Variants in SEMA6A observed in about 807,000 individuals in gnomAD.
The protein encoded by SEMA6A is semaphorin-6A.
Under a neutral mutation model 96.8 loss-of-function variants are expected in SEMA6A, and 25 were observed. The ratio of observed to expected loss-of-function variants is 0.26; its 90% confidence interval spans 0.19 to 0.36. The LOEUF is 0.36. Ranked by LOEUF, SEMA6A falls within the 10% of genes least tolerant of loss-of-function variation. The pLI, the probability that SEMA6A is intolerant of heterozygous loss-of-function variation, is 1.00. For synonymous variants in SEMA6A, 612 were observed against 518.0 expected (o/e 1.18, Z -2.46); for missense variants, 1,363 against 1,323.1 (o/e 1.03, Z -0.47).
chr5:116,572,901 G>A (rs147214214), intron 1 of SEMA6A, among the ~76,000 whole-genome samples: 1 of 152,176 alleles, frequency 6.6e-6, no homozygotes, highest in Admixed American at 6.5e-5. Flanking sequence ...CTGGTCTAGT[G>A]ACCCCGCCGC....
intron 1 of SEMA6A, among the ~76,000 whole-genome samples, chr5:116,529,221 G>C (rs781450819): frequency 4.6e-5 from 7 of 152,142 alleles, no homozygotes; most frequent in Non-Finnish European, 8.8e-5. Flanking sequence ...AGAGAGTGTT[G>C]AATTACTAGA....
At chr5:116,558,236 A>T (rs934967544) in intron 1 of SEMA6A, among the ~76,000 whole-genome samples, 1 of 152,112 alleles carries the variant, frequency 6.6e-6, no homozygotes, top group African/African-American at 2.4e-5. Flanking sequence ...TTATTTAGAA[A>T]CCCCACAAAG....
chr5:116,447,535 G>C lies in SEMA6A; in HGVS notation c.2171C>G (p.Thr724Arg). 1.2e-6 allele frequency: 2 copies of C among 1,614,080 alleles called. No homozygotes were observed. ...SKDPKPEAILTPLMHNGKLAT... is the reference protein window; with the variant it reads ...SKDPKPEAILRPLMHNGKLAT... Reference sequence around the variant, plus strand: ...GAGCTTGCCGTTGTGCATGAGTGGCGTGAGGATGGCCTCCGGCTTTGGGTC... The same window carrying C: ...GAGCTTGCCGTTGTGCATGAGTGGCCTGAGGATGGCCTCCGGCTTTGGGTC... The change falls in exon 19 of 19, where the codon ACG (threonine) becomes AGG (arginine). Residue 724 changes from threonine to arginine, a missense_variant. Thr to Arg is a moderately conservative substitution (Grantham distance 71). Around this residue, in one of 2 missense-constraint regions of SEMA6A, gnomAD observed 883 missense variants for 763.6 expected, o/e 1.16. Transcript: ENST00000343348.
At chr5:116,470,291 A>G (rs770384864) in intron 17 of SEMA6A, among the ~76,000 whole-genome samples, 3 of 152,212 alleles carry the variant, frequency 2.0e-5, no homozygotes, top group Non-Finnish European at 2.9e-5. Context: ...GAGACTTTGC[A>G]ACCAAAATAA....
intron 1 of SEMA6A, among the ~76,000 whole-genome samples, chr5:116,506,179 A>G (rs1758136833): frequency 6.6e-6 from 1 of 152,216 alleles, no homozygotes; most frequent in East Asian, 1.9e-4. Flanking sequence ...TTTTGATTAT[A>G]TACCTATGTC....
chr5:116,473,118 GTTACTTAATGTT>G, intron 16 of SEMA6A, 25 bp from the exon 17 acceptor site: 1 of 1,585,000 alleles, frequency 6.3e-7, no homozygotes, highest in Non-Finnish European at 8.6e-7. Context: ...GGAGGAGAAG[GTTACTTAATGTT>G]TTACGCTCTG....
intron 1 of SEMA6A, among the ~76,000 whole-genome samples, chr5:116,522,655 C>T (rs796298381): frequency 3.3e-5 from 5 of 152,274 alleles, no homozygotes; most frequent in African/African-American, 1.2e-4. Context: ...CAGATGAGCT[C>T]AAAGCAAATA....
At chr5:116,498,777 T>C (rs1243278845) in intron 3 of SEMA6A, 2 of 152,220 alleles carry the variant, frequency 1.3e-5, no homozygotes, top group Non-Finnish European at 2.9e-5. Context: ...ATTATTGGAA[T>C]GGAATTGCCT....
At chr5:116,469,099 C>T (rs1488196402) in intron 17 of SEMA6A, 1 of 152,096 alleles carries the variant, frequency 6.6e-6, no homozygotes, top group Non-Finnish European at 1.5e-5. Context: ...CCAAGTGGCT[C>T]GTCCATGCTA....
chr5:116,549,989 T>G (rs942394248), intron 1 of SEMA6A: 1 of 152,162 alleles, frequency 6.6e-6, no homozygotes, highest in South Asian at 2.1e-4. Context: ...TAAATGATCA[T>G]GTTTGAGTCA....
At chr5:116,456,074 C>A (rs1166260120) in intron 18 of SEMA6A, among the ~76,000 whole-genome samples, 2 of 152,176 alleles carry the variant, frequency 1.3e-5, no homozygotes, top group African/African-American at 2.4e-5. Context: ...TAAGGCAACA[C>A]TTTGGTAGGG....
chr5:116,492,141 A>G (rs908605113), intron 6 of SEMA6A, among the ~76,000 whole-genome samples: 2 of 152,168 alleles, frequency 1.3e-5, no homozygotes, highest in African/African-American at 4.8e-5. Flanking sequence ...GAACTCTGAC[A>G]GACTCTGTGG....
At chr5:116,518,207 C>T (rs1382586199) in intron 1 of SEMA6A, among the ~76,000 whole-genome samples, 1 of 152,144 alleles carries the variant, frequency 6.6e-6, no homozygotes, top group African/African-American at 2.4e-5. Flanking sequence ...CTCTCCTATT[C>T]CTCTCTGAGG....
At chr5:116,537,172 G>A (rs1342927148) in intron 1 of SEMA6A, among the ~76,000 whole-genome samples, 1 of 152,138 alleles carries the variant, frequency 6.6e-6, no homozygotes, top group Admixed American at 6.5e-5. Flanking sequence ...CACCAACAGG[G>A]AAACTGCAGC....
At chr5:116,482,596 T>A in intron 10 of SEMA6A, 21 bp from the exon 11 acceptor site, 1 of 1,612,624 alleles carries the variant, frequency 6.2e-7, no homozygotes, top group Non-Finnish European at 8.5e-7. Flanking sequence ...ATATTTCACA[T>A]CAAGTGTTAC....
Position 116,478,732 on chromosome 5 carries a change from A to T in SEMA6A, c.1251-14T>A. Reference sequence around the variant, plus strand: ...GTAAGGCGGTATCTAAAATGACAGGACCACATTTCTTATCTCTTTGTTGGT... The same window carrying T: ...GTAAGGCGGTATCTAAAATGACAGGTCCACATTTCTTATCTCTTTGTTGGT... On this transcript the variant is annotated splice_polypyrimidine_tract_variant and intron_variant, in intron 12 of 18. Transcript: ENST00000343348. 6.2e-7 allele frequency: 1 copy of T among 1,609,358 alleles called. No individual in the cohort carries two copies. The highest frequency in any genetic ancestry group is 8.5e-7 in the Non-Finnish European group (1 of 1,177,810).
chr5:116,472,987 TG>T, intron 17 of SEMA6A, 85 bp downstream of exon 17: 3 of 1,520,548 alleles, frequency 2.0e-6, no homozygotes, highest in Non-Finnish European at 2.7e-6. Flanking sequence ...ACTTAAGATT[TG>T]AACATACTCA....
chr5:116,493,281 A>G (rs1463350225), intron 6 of SEMA6A, among the ~76,000 whole-genome samples: 1 of 152,224 alleles, frequency 6.6e-6, no homozygotes, highest in Non-Finnish European at 1.5e-5. Flanking sequence ...GGGATTTGTT[A>G]GAAGCATTAA....
chr5:116,545,935 T>C (rs1383007764), intron 1 of SEMA6A, among the ~76,000 whole-genome samples: 3 of 152,234 alleles, frequency 2.0e-5, no homozygotes, highest in African/African-American at 7.2e-5. Flanking sequence ...GTTAATGGCA[T>C]AAGTCCTCAT....
Sources: gnomAD v4.1 joint callset for allele counts (sites outside exome capture counted in the v4.1 genomes callset) on GRCh38, gnomAD v4.1.1 for gene constraint, gnomAD v4.1.1 regional missense constraint, MANE v1.5 for transcripts, NCBI Gene and HGNC (gene_info 2026-07-23, HGNC 2026-07-21) for gene names.